Variants in HDAC9 observed in about 807,000 individuals in gnomAD.
HDAC9 encodes histone deacetylase 9.
In HDAC9, 41 loss-of-function variants were observed where a neutral mutation model predicts 139.4. The observed-to-expected ratio is 0.29, with a 90% CI of 0.23 to 0.38. HDAC9 has a LOEUF of 0.38. Among genes scored for constraint, HDAC9 ranks in the 10% least tolerant of loss-of-function variants. The pLI is 1.00. For missense variants in HDAC9, 1,147 were observed against 1,297.0 expected (o/e 0.88, Z 1.78); for synonymous variants, 517 against 476.2 (o/e 1.09, Z -1.12).
intron 25 of HDAC9, among the ~76,000 whole-genome samples, chr7:18,985,004 G>A (rs953952014): frequency 2.0e-5 from 3 of 152,084 alleles, no homozygotes; most frequent in Non-Finnish European, 4.4e-5. Context: ...TTTAGGTGTA[G>A]AATTGTTACA....
At chr7:18,414,339 TG>T (rs760562941) in intron 1 of HDAC9, among the ~76,000 whole-genome samples, 3 of 151,988 alleles carry the variant, frequency 2.0e-5, no homozygotes, top group African/African-American at 4.8e-5. Context: ...GTAACTTTAA[TG>T]TTTTTTCTTA....
chr7:18,191,462 A>G (rs991267083), intron 2 of HDAC9, among the ~76,000 whole-genome samples: 6 of 152,210 alleles, frequency 3.9e-5, no homozygotes, highest in Non-Finnish European at 7.3e-5. Flanking sequence ...AATTCCTGAG[A>G]GAATGATTTT....
chr7:18,356,562 T>C (rs754440906), intron 1 of HDAC9, among the ~76,000 whole-genome samples: 1 of 152,002 alleles, frequency 6.6e-6, no homozygotes, highest in Non-Finnish European at 1.5e-5. Flanking sequence ...GGCTATTTAA[T>C]GTCCTTGAAA....
chr7:18,226,335 C>G (rs1289529466), intron 2 of HDAC9, among the ~76,000 whole-genome samples: 1 of 152,004 alleles, frequency 6.6e-6, no homozygotes, highest in Non-Finnish European at 1.5e-5. Context: ...GGCTCCCCTG[C>G]AGGGAAAAGA....
At chr7:18,880,074 T>C (rs1799616141) in intron 22 of HDAC9, among the ~76,000 whole-genome samples, 3 of 152,116 alleles carry the variant, frequency 2.0e-5, no homozygotes, top group Admixed American at 6.6e-5. Context: ...ATATCACTGA[T>C]CATTAGAGAA....
chr7:18,170,034 CA>C (rs1321369346), intron 2 of HDAC9, among the ~76,000 whole-genome samples: 1 of 152,230 alleles, frequency 6.6e-6, no homozygotes, highest in Non-Finnish European at 1.5e-5. Context: ...GGAATTGCCA[CA>C]CTGTCTTCCA....
chr7:18,677,856 G>A lies in HDAC9; in HGVS notation c.1731+11380G>A, dbSNP rs375475221. ...AAGCACTAACACTAGCACTTGATGT[G>A]TTCCATTCTATCAATTTGTTCTTCT... is the stretch of plus-strand genomic sequence containing the variant. On this transcript the variant is annotated intron_variant, in intron 12 of 25. Coordinates refer to ENST00000686413, the MANE Select transcript of HDAC9 (RefSeq NM_178425.4). Among the ~76,000 whole-genome samples, 4 of 151,982 alleles carry A rather than the reference G, an allele frequency of 2.6e-5. No homozygotes were observed. In the East Asian group the frequency reaches 7.8e-4, roughly 29 times the overall value.
intron 2 of HDAC9, among the ~76,000 whole-genome samples, chr7:18,500,895 AT>A: frequency 6.6e-6 from 1 of 152,232 alleles, no homozygotes; most frequent in South Asian, 2.1e-4. Context: ...GAGAAAGGAG[AT>A]ATAGATCTCA....
intron 21 of HDAC9, among the ~76,000 whole-genome samples, chr7:18,872,861 T>A (rs1159364679): frequency 6.6e-6 from 1 of 152,114 alleles, no homozygotes; most frequent in Non-Finnish European, 1.5e-5. Flanking sequence ...GGAAAAGAGA[T>A]GGAAAATTGA....
chr7:18,490,935 G>C (rs1366823575), upstream of HDAC9, among the ~76,000 whole-genome samples: 1 of 151,948 alleles, frequency 6.6e-6, no homozygotes, highest in Non-Finnish European at 1.5e-5. Flanking sequence ...TTCGGTATTT[G>C]AGGTAATTAA....
chr7:18,195,347 C>T (rs1432077661), intron 2 of HDAC9, among the ~76,000 whole-genome samples: 1 of 152,112 alleles, frequency 6.6e-6, no homozygotes, highest in Non-Finnish European at 1.5e-5. Flanking sequence ...CATATACCCC[C>T]ATATTACCTA....
In HDAC9 at chr7:18,998,828, T is replaced by G. The variant is rs1195592208; in HGVS notation, c.*2766T>G. 2 of 152,208 alleles carry G rather than the reference T, an allele frequency of 1.3e-5. No individual in the cohort carries two copies. The highest frequency in any genetic ancestry group is 2.9e-5 in the Non-Finnish European group (2 of 68,032). The allele number at this position is 152,208 out of a possible 1,614,324, so 9.4% of individuals were successfully genotyped here. A position where few individuals can be genotyped will look rare whatever the true frequency, so the allele number is the denominator to read the frequency against. On this transcript the variant is annotated 3_prime_UTR_variant, in exon 26 of 26. Coordinates refer to ENST00000686413, the MANE Select transcript of HDAC9 (RefSeq NM_178425.4). Reference sequence around the variant, plus strand: ...CTCATACAGGGTGAATAAAAATGATTTTTGATAAATCTACTAGTAAATAAT... The same window carrying G: ...CTCATACAGGGTGAATAAAAATGATGTTTGATAAATCTACTAGTAAATAAT...
At chr7:18,586,324 C>T (rs887433119) in intron 3 of HDAC9, among the ~76,000 whole-genome samples, 8 of 151,904 alleles carry the variant, frequency 5.3e-5, no homozygotes, top group Non-Finnish European at 2.9e-5. Flanking sequence ...TTGACAAAGA[C>T]AGTTGAAACA....
intron 1 of HDAC9, among the ~76,000 whole-genome samples, chr7:18,444,073 T>C (rs1335929621): frequency 6.6e-6 from 1 of 151,972 alleles, no homozygotes; most frequent in Non-Finnish European, 1.5e-5. Context: ...GCATGGTGGC[T>C]CATGCCTGTG....
intron 22 of HDAC9, among the ~76,000 whole-genome samples, chr7:18,910,542 T>A (rs1365141559): frequency 1.3e-5 from 2 of 152,020 alleles, no homozygotes; most frequent in East Asian, 3.9e-4. Flanking sequence ...TGTTTTTCTC[T>A]TGCCTAATTG....
chr7:18,680,798 C>G (rs1172435924), intron 12 of HDAC9, among the ~76,000 whole-genome samples: 5 of 151,986 alleles, frequency 3.3e-5, no homozygotes, highest in Non-Finnish European at 7.4e-5. Flanking sequence ...CTTTGTCTGT[C>G]AAGGAGATGA....
At chr7:18,466,871 C>G (rs541267588) in intron 1 of HDAC9, among the ~76,000 whole-genome samples, 1 of 152,324 alleles carries the variant, frequency 6.6e-6, no homozygotes, top group South Asian at 2.1e-4. Flanking sequence ...GATCGTCTGT[C>G]TGTTTCAGGG....
chr7:18,797,299 A>G (rs1792883909), intron 17 of HDAC9, among the ~76,000 whole-genome samples: 1 of 152,196 alleles, frequency 6.6e-6, no homozygotes, highest in Non-Finnish European at 1.5e-5. Context: ...AAAAGGGGCT[A>G]AAACTATCTA....
chr7:18,673,370 C>T (rs1795774589), intron 12 of HDAC9, among the ~76,000 whole-genome samples: 1 of 152,038 alleles, frequency 6.6e-6, no homozygotes, highest in South Asian at 2.1e-4. Context: ...CCTAAATTTG[C>T]TCTGTCCAAA....
Sources: gnomAD v4.1 joint callset for allele counts (sites outside exome capture counted in the v4.1 genomes callset) on GRCh38, gnomAD v4.1.1 for gene constraint, MANE v1.5 for transcripts, NCBI Gene and HGNC (gene_info 2026-07-23, HGNC 2026-07-21) for gene names.